The following ACKR2 variants were observed in gnomAD, a reference collection of about 807,000 sequenced individuals.
ACKR2 encodes atypical chemokine receptor 2.
For missense variants in ACKR2, 457 were observed against 477.3 expected (o/e 0.96, Z 0.40); for synonymous variants, 207 against 192.2 (o/e 1.08, Z -0.64).
In ACKR2 at chr3:42,864,520, T is replaced by C; in HGVS notation, c.18T>C (p.Ser6=). The part of the protein sequence containing the change: MAATA[S]PQPLATEDAD... ...CTTCCAACATGGCCGCCACTGCCTC[T>C]CCGCAGCCACTCGCCACTGAGGATG... is the stretch of plus-strand genomic sequence containing the variant. The change falls in exon 3 of 3, where the codon TCT becomes TCC. Residue 6 remains serine (S), a synonymous_variant. Transcript: ENST00000422265. 1 of 1,604,292 alleles carries C rather than the reference T, an allele frequency of 6.2e-7. No homozygotes were observed. Among genetic ancestry groups the C allele is most frequent in the Non-Finnish European group, 8.5e-7 (1 of 1,173,866 alleles).
intron 2 of ACKR2, among the ~76,000 whole-genome samples, chr3:42,825,187 G>T (rs572772074): frequency 6.6e-6 from 1 of 152,102 alleles, no homozygotes; most frequent in African/African-American, 2.4e-5. Context: ...TGGCTATTCT[G>T]GGTTCCTTGC....
chr3:42,839,927 C>G (rs2125612962), intron 2 of ACKR2, among the ~76,000 whole-genome samples: 1 of 152,182 alleles, frequency 6.6e-6, no homozygotes, highest in Middle Eastern at 3.4e-3. Flanking sequence ...ATAGTCGCAG[C>G]TAATTTTGGG....
At chr3:42,827,009 C>T (rs1419752944) in intron 2 of ACKR2, among the ~76,000 whole-genome samples, 1 of 151,940 alleles carries the variant, frequency 6.6e-6, no homozygotes, top group Non-Finnish European at 1.5e-5. Flanking sequence ...GTTTAATTTC[C>T]ACATGGTTTT....
chr3:42,865,722 G>A lies in ACKR2; in HGVS notation c.*65G>A. On this transcript the variant is annotated 3_prime_UTR_variant, in exon 3 of 3. Transcript: ENST00000422265. ...GCTCAATTGGGTGTCCACTCAAAGT[G>A]CTCTCTCCAGGGGCCTCAGTGACTG... 2.3e-6 allele frequency: 3 copies of A among 1,330,892 alleles called. No homozygotes were observed. Among genetic ancestry groups the A allele is most frequent in the South Asian group, 2.8e-5 (2 of 72,010 alleles). The allele number at this position is 1,330,892 out of a possible 1,614,324, so 82.4% of individuals were successfully genotyped here.
chr3:42,864,417 T>A, intron 2 of ACKR2, 49 bp from the exon 3 acceptor site: 1 of 1,499,734 alleles, frequency 6.7e-7, no homozygotes, highest in Non-Finnish European at 8.9e-7. Context: ...AAAAGTGGGT[T>A]TAGAGAAAGG....
At chr3:42,850,289 A>C (rs1701139793) in intron 2 of ACKR2, among the ~76,000 whole-genome samples, 2 of 152,114 alleles carry the variant, frequency 1.3e-5, no homozygotes, top group African/African-American at 2.4e-5. Flanking sequence ...GAGAAAGGCA[A>C]ATGTCTAAGT....
At chr3:42,846,330 G>A (rs1389034118) in intron 2 of ACKR2, among the ~76,000 whole-genome samples, 1 of 152,302 alleles carries the variant, frequency 6.6e-6, no homozygotes, top group Non-Finnish European at 1.5e-5. Context: ...AGCTTTCTCA[G>A]TTTCCAGAGA....
rs1460708892 is a variant in ACKR2 at position 42,852,614 on chromosome 3, GA to G, written c.-37-11851del. Among the ~76,000 whole-genome samples the G allele has an allele frequency of 6.6e-6, 1 of 152,140 alleles. No homozygotes were observed. Among genetic ancestry groups the G allele is most frequent in the African/African-American group, 2.4e-5 (1 of 41,420 alleles). ...TATGTCTAGCTGGAAGCTGCAAGGGGACTCCTGCCCTGCTGAGGAATGGACA... is the reference window on the plus strand; with the variant it reads ...TATGTCTAGCTGGAAGCTGCAAGGGGCTCCTGCCCTGCTGAGGAATGGACA... On this transcript the variant is annotated intron_variant, in intron 2 of 2. Transcript: ENST00000422265. The surrounding 1 kb of genome is among the most constrained non-coding windows in gnomAD (Gnocchi z 4.3).
In ACKR2 at chr3:42,864,782, C is replaced by T; in HGVS notation, c.280C>T (p.Leu94=). ...YLLNLAISNL[L]FLVTLPFWGI... ...GCTGAATCTGGCCATCTCCAACCTT[C>T]TGTTTCTGGTGACACTGCCCTTCTG... is the stretch of plus-strand genomic sequence containing the variant. The change falls in exon 3 of 3, where the codon CTG becomes TTG. Residue 94 remains leucine, a synonymous_variant. Transcript: ENST00000422265. 1.2e-6 allele frequency: 2 copies of T among 1,614,238 alleles called. No homozygotes were observed. The highest frequency in any genetic ancestry group is 1.7e-6 in the Non-Finnish European group (2 of 1,180,042).
At chr3:42,829,001 G>A (rs189915709) in intron 2 of ACKR2, among the ~76,000 whole-genome samples, 76 of 152,250 alleles carry the variant, frequency 5.0e-4, no homozygotes, top group Admixed American at 1.2e-3. Context: ...TGGGAGAGGG[G>A]AGCATCAAGC....
chr3:42,858,527 C>T (rs1056116383), intron 2 of ACKR2, among the ~76,000 whole-genome samples: 16 of 152,148 alleles, frequency 1.1e-4, no homozygotes, highest in Non-Finnish European at 1.5e-4. Flanking sequence ...AGGCCACCAA[C>T]ATCAAAGACC....
intron 2 of ACKR2, among the ~76,000 whole-genome samples, chr3:42,862,010 C>T (rs1025758456): frequency 1.3e-5 from 2 of 152,132 alleles, no homozygotes; most frequent in African/African-American, 4.8e-5. Flanking sequence ...AAGTTCTGGC[C>T]AGGGCAATCA....
chr3:42,823,009 T>TA (rs1288654585), intron 2 of ACKR2, among the ~76,000 whole-genome samples: 1 of 152,064 alleles, frequency 6.6e-6, no homozygotes, highest in Non-Finnish European at 1.5e-5. Flanking sequence ...AGTCAATCAT[T>TA]ACGCTCACTC....
In ACKR2 at chr3:42,832,366, G is replaced by A. The variant is rs140733259; in HGVS notation, c.-38+12655G>A. ...TGGCTGGGTATAGTGGTGGGCACCT[G>A]TAATCCCAGCTACTCAGGAGGCTGA... On this transcript the variant is annotated intron_variant, in intron 2 of 2. Transcript: ENST00000422265. Among the ~76,000 whole-genome samples the A allele has an allele frequency of 4.4e-3, 676 of 152,182 alleles. 6 individuals are homozygous for A. The highest frequency in any genetic ancestry group is 0.016 in the African/African-American group (652 of 41,506).
rs762166073 is a variant in ACKR2 at position 42,865,556 on chromosome 3, A to G, written c.1054A>G (p.Ile352Val). The change falls in exon 3 of 3, where the codon ATA becomes GTA. Residue 352 changes from isoleucine to valine, a missense_variant. Transcript: ENST00000422265. ...ATTATCCAGCTGTTCTGAGAGCAGCATACTTACTGCCCAAGAGGAAATGAC... is the reference window on the plus strand; with the variant it reads ...ATTATCCAGCTGTTCTGAGAGCAGCGTACTTACTGCCCAAGAGGAAATGAC... Reference protein sequence around the residue: ...ASLSSCSESSILTAQEEMTGM... With the variant: ...ASLSSCSESSVLTAQEEMTGM... The G allele has an allele frequency of 6.2e-7, 1 of 1,614,172 alleles. No individual in the cohort carries two copies. The highest frequency in any genetic ancestry group is 2.2e-5 in the East Asian group (1 of 44,872).
rs376833790 is a variant in ACKR2, at chr3:42,860,189, A to AAAAAAAAAAAAAAC, written c.-37-4277_-37-4276insAAAAAAAAAAAAAC. On this transcript the variant is annotated intron_variant, in intron 2 of 2. Transcript: ENST00000422265. Reference sequence around the variant, plus strand: ...CAAAAAAAAAAAAAAAAAAAAAAAAAGCAGGGGATGCAATCCTAGTCTCTG... The same window carrying AAAAAAAAAAAAAAC: ...CAAAAAAAAAAAAAAAAAAAAAAAAAAAAAAAAAAAAAACGCAGGGGATGCAATCCTAGTCTCTG... 5.0e-4 allele frequency among the ~76,000 whole-genome samples: 56 copies of AAAAAAAAAAAAAAC among 111,630 alleles called. 5 individuals are homozygous for AAAAAAAAAAAAAAC. The highest frequency in any genetic ancestry group is 8.1e-4 in the Non-Finnish European group (43 of 53,134). 73.2% of individuals were successfully genotyped at this position (111,630 alleles called of 152,430 possible).
chr3:42,825,602 C>CGTGT, intron 2 of ACKR2, among the ~76,000 whole-genome samples: 1 of 69,634 alleles, frequency 1.4e-5, no homozygotes, highest in South Asian at 4.9e-4. Flanking sequence ...TGTGTGTGTG[C>CGTGT]GTGTGTGTGT....
chr3:42,829,575 T>C (rs989985286), intron 2 of ACKR2, among the ~76,000 whole-genome samples: 2 of 152,136 alleles, frequency 1.3e-5, no homozygotes, highest in African/African-American at 4.8e-5. Flanking sequence ...CTCCCTCGGG[T>C]CACTCATCCT....
intron 2 of ACKR2, among the ~76,000 whole-genome samples, chr3:42,831,243 A>G (rs1700929097): frequency 6.6e-6 from 1 of 152,158 alleles, no homozygotes; most frequent in Admixed American, 6.5e-5. Flanking sequence ...TGATGTTGGG[A>G]AAATTCTTTT....
Sources: gnomAD v4.1 joint callset for allele counts (sites outside exome capture counted in the v4.1 genomes callset) on GRCh38, gnomAD v4.1.1 for gene constraint, Gnocchi (gnomAD v3.1) non-coding constraint, MANE v1.5 for transcripts, NCBI Gene and HGNC (gene_info 2026-07-23, HGNC 2026-07-21) for gene names.